Variants in ENOX2 observed in about 807,000 individuals in gnomAD.
The protein encoded by ENOX2 is APK1 antigen.
ENOX2 carries 36 observed loss-of-function variants against 45.0 expected under a neutral mutation model. The ratio of observed to expected loss-of-function variants is 0.80; its 90% CI spans 0.61 to 1.06. The LOEUF is 1.06. ENOX2 is among the 50% of genes least tolerant of loss of function. The pLI, the probability that ENOX2 is intolerant of heterozygous loss-of-function variation, is 0.00. For missense variants in ENOX2, 423 were observed against 462.5 expected (o/e 0.91, Z 0.78); for synonymous variants, 174 against 152.3 (o/e 1.14, Z -1.05).
intron 2 of ENOX2, among the ~76,000 whole-genome samples, chrX:130,804,769 T>C (rs1173750672): frequency 8.9e-6 from 1 of 111,953 alleles, no homozygotes; most frequent in East Asian, 2.8e-4. Flanking sequence ...CTCAATTTTC[T>C]GAATCCTGGT....
chrX:130,784,055 C>G (rs2076930771), intron 2 of ENOX2, among the ~76,000 whole-genome samples: 2 of 111,512 alleles, frequency 1.8e-5, no homozygotes, highest in South Asian at 7.6e-4. Context: ...GACATTTTAC[C>G]ATTCTTTCAT....
At chrX:130,709,637 C>CAAAAAAAAAAAAAAAAA (rs60183563) in intron 3 of ENOX2, among the ~76,000 whole-genome samples, 1 of 30,123 alleles carries the variant, frequency 3.3e-5, no homozygotes, top group East Asian at 1.1e-3. Flanking sequence ...GACTCTGTCT[C>CAAAAAAAAAAAAAAAAA]AAAAAAAAAA....
At chrX:130,902,979 C>T (rs762572410) in intron 1 of ENOX2, 70 bp downstream of exon 1, 1 of 110,551 alleles carries the variant, frequency 9.0e-6, no homozygotes, top group South Asian at 4.0e-4. Context: ...CCCGGAAGCA[C>T]CCTCCTCCCT....
At chrX:130,669,450 G>T (rs1421132612) in intron 7 of ENOX2, among the ~76,000 whole-genome samples, 1 of 111,932 alleles carries the variant, frequency 8.9e-6, no homozygotes, top group African/African-American at 3.2e-5. Context: ...TGTTTTAGTT[G>T]GTGGTGGCTA....
chrX:130,658,953 A>G (rs2036613236), intron 9 of ENOX2, among the ~76,000 whole-genome samples: 1 of 112,338 alleles, frequency 8.9e-6, no homozygotes, highest in Middle Eastern at 4.6e-3. Flanking sequence ...CATGAAGAAC[A>G]CTGAAAATGA....
intron 2 of ENOX2, among the ~76,000 whole-genome samples, chrX:130,805,848 G>A (rs773359720): frequency 8.9e-6 from 1 of 111,981 alleles, no homozygotes; most frequent in South Asian, 3.7e-4. Flanking sequence ...GGCAATGATT[G>A]TTCCTGCTCG....
intron 3 of ENOX2, among the ~76,000 whole-genome samples, chrX:130,724,377 G>C (rs933523135): frequency 6.2e-5 from 7 of 112,619 alleles, no homozygotes; most frequent in African/African-American, 2.3e-4. Flanking sequence ...TAGTACTGGA[G>C]CAGAGCCTGG....
chrX:130,843,290 G>A (rs1395324432), intron 2 of ENOX2, among the ~76,000 whole-genome samples: 1 of 110,626 alleles, frequency 9.0e-6, no homozygotes, highest in Non-Finnish European at 1.9e-5. Flanking sequence ...CGAGCCCTAC[G>A]GACTCTACCT....
At chrX:130,687,115 T>C (rs1030952104) in intron 5 of ENOX2, among the ~76,000 whole-genome samples, 1 of 111,968 alleles carries the variant, frequency 8.9e-6, no homozygotes, top group Non-Finnish European at 1.9e-5. Flanking sequence ...GTTAGAGCCT[T>C]CTTAAGCTAT....
intron 2 of ENOX2, among the ~76,000 whole-genome samples, chrX:130,793,099 G>A (rs970084506): frequency 2.7e-5 from 3 of 112,326 alleles, no homozygotes; most frequent in African/African-American, 9.7e-5. Flanking sequence ...TTTCTGCATT[G>A]TAAAATGGGG....
intron 3 of ENOX2, among the ~76,000 whole-genome samples, chrX:130,763,370 C>T (rs1303209332): frequency 9.0e-6 from 1 of 111,389 alleles, no homozygotes; most frequent in Non-Finnish European, 1.9e-5. Flanking sequence ...TCCAATGACA[C>T]TTTGCAGGAG....
chrX:130,854,117 T>C (rs181113570), intron 2 of ENOX2, among the ~76,000 whole-genome samples: 16 of 112,113 alleles, frequency 1.4e-4, no homozygotes, highest in African/African-American at 4.5e-4. Context: ...CTGACAAGTA[T>C]TTTAGGCCAG....
chrX:130,830,594 C>A (rs1012329163), intron 2 of ENOX2, among the ~76,000 whole-genome samples: 19 of 112,099 alleles, frequency 1.7e-4, no homozygotes, highest in African/African-American at 5.5e-4. Context: ...TGCAGATGTT[C>A]CTCTTTCTTC....
intron 5 of ENOX2, among the ~76,000 whole-genome samples, chrX:130,686,497 CT>C (rs1236308043): frequency 8.9e-6 from 1 of 111,765 alleles, no homozygotes; most frequent in African/African-American, 3.3e-5. Context: ...AATTCAACCT[CT>C]TTTCTTTAAA....
chrX:130,638,511 G>A (rs940647333), intron 10 of ENOX2, among the ~76,000 whole-genome samples: 1 of 109,304 alleles, frequency 9.1e-6, no homozygotes, highest in Non-Finnish European at 1.9e-5. Flanking sequence ...AAAAGTAAAT[G>A]TAAAAACTAA....
At chrX:130,715,053 G>A (rs1272512368) in intron 3 of ENOX2, among the ~76,000 whole-genome samples, 2 of 111,939 alleles carry the variant, frequency 1.8e-5, no homozygotes, top group African/African-American at 6.5e-5. Context: ...GGGAGTGAGT[G>A]GAGAATATTT....
intron 2 of ENOX2, among the ~76,000 whole-genome samples, chrX:130,896,529 T>C (rs1361065521): frequency 9.0e-6 from 1 of 111,706 alleles, no homozygotes; most frequent in African/African-American, 3.3e-5. Context: ...TTTCTCTTTT[T>C]ATACAGAAGG....
chrX:130,752,831 T>A (rs1054647213), intron 3 of ENOX2, among the ~76,000 whole-genome samples: 4 of 111,127 alleles, frequency 3.6e-5, no homozygotes, highest in Non-Finnish European at 3.8e-5. Flanking sequence ...GCTATCTCAC[T>A]GTCTTTTCTA....
intron 2 of ENOX2, among the ~76,000 whole-genome samples, chrX:130,791,186 C>T (rs1023822887): frequency 2.7e-5 from 3 of 111,292 alleles, no homozygotes; most frequent in African/African-American, 9.8e-5. Context: ...TATACTTTTC[C>T]TGAGCCTTTT....
Sources: gnomAD v4.1 joint callset for allele counts (sites outside exome capture counted in the v4.1 genomes callset) on GRCh38, gnomAD v4.1.1 for gene constraint, MANE v1.5 for transcripts, NCBI Gene and HGNC (gene_info 2026-07-23, HGNC 2026-07-21) for gene names.